Variants in LSAMP observed in about 807,000 individuals in gnomAD.
LSAMP encodes the protein limbic system-associated membrane protein.
In LSAMP, 7 loss-of-function variants were observed where a neutral mutation model predicts 38.6. The observed-to-expected ratio is 0.18, with a 90% confidence interval of 0.10 to 0.34. The LOEUF (loss-of-function observed/expected upper bound fraction) is 0.34. Ranked by LOEUF, LSAMP falls within the 10% of genes least tolerant of loss-of-function variation. LSAMP has a pLI of 1.00. For synonymous variants in LSAMP, 154 were observed against 166.8 expected, an observed-to-expected ratio of 0.92 and a Z score of 0.59; for missense variants, 313 against 420.0, an observed-to-expected ratio of 0.75 and a Z score of 2.23.
chr3:116,207,306 A>G (rs1276625784), intron 1 of LSAMP, among the ~76,000 whole-genome samples: 2 of 152,230 alleles, frequency 1.3e-5, no homozygotes, highest in East Asian at 1.9e-4. Context: ...GTCTCTGCAC[A>G]TGAGTTGGGT....
intron 3 of LSAMP, among the ~76,000 whole-genome samples, chr3:115,964,736 A>G (rs1012642546): frequency 6.6e-6 from 1 of 152,154 alleles, no homozygotes; most frequent in African/African-American, 2.4e-5. Flanking sequence ...ATTTCTAGAT[A>G]GCAGCAAAAA....
chr3:116,174,385 C>T (rs139417452), intron 1 of LSAMP, among the ~76,000 whole-genome samples: 498 of 151,990 alleles, frequency 3.3e-3, no homozygotes, highest in Non-Finnish European at 6.2e-3. Context: ...CACTGGCCTA[C>T]CAAACACCAC....
At chr3:115,894,880 A>C (rs1331123858) in intron 3 of LSAMP, among the ~76,000 whole-genome samples, 1 of 152,084 alleles carries the variant, frequency 6.6e-6, no homozygotes, top group African/African-American at 2.4e-5. Flanking sequence ...TAAATTTTAA[A>C]AAGAAACACC....
At chr3:115,820,822 T>C (rs1442907841) in intron 6 of LSAMP, among the ~76,000 whole-genome samples, 1 of 152,050 alleles carries the variant, frequency 6.6e-6, no homozygotes, top group Non-Finnish European at 1.5e-5. Flanking sequence ...AGAGGGGAGA[T>C]TCTATTTTCT....
At chr3:116,244,365 T>C (rs2046577596) in intron 1 of LSAMP, among the ~76,000 whole-genome samples, 1 of 152,230 alleles carries the variant, frequency 6.6e-6, no homozygotes, top group Non-Finnish European at 1.5e-5. Flanking sequence ...TCCTTCATCA[T>C]GTCCTGAATA....
intron 1 of LSAMP, among the ~76,000 whole-genome samples, chr3:116,225,579 G>T (rs1168886663): frequency 6.6e-6 from 1 of 152,086 alleles, no homozygotes; most frequent in Non-Finnish European, 1.5e-5. Flanking sequence ...GATGTGACAT[G>T]GTATTGAGGC....
intron 1 of LSAMP, among the ~76,000 whole-genome samples, chr3:116,165,678 G>C (rs1187877882): frequency 6.6e-6 from 1 of 152,170 alleles, no homozygotes; most frequent in African/African-American, 2.4e-5. Flanking sequence ...TTAATTATGA[G>C]AGAAATGTGA....
At chr3:116,376,752 A>C (rs2048498984) in intron 1 of LSAMP, among the ~76,000 whole-genome samples, 1 of 152,128 alleles carries the variant, frequency 6.6e-6, no homozygotes, top group Non-Finnish European at 1.5e-5. Context: ...AGTGGGGATC[A>C]ATTAGCACCT....
intron 3 of LSAMP, among the ~76,000 whole-genome samples, chr3:115,889,317 T>C (rs1420942253): frequency 6.6e-6 from 1 of 151,932 alleles, no homozygotes; most frequent in African/African-American, 2.4e-5. Flanking sequence ...CTGGGTGATG[T>C]GTTGGTGAAT....
intron 1 of LSAMP, among the ~76,000 whole-genome samples, chr3:116,144,916 T>C (rs906360264): frequency 2.0e-5 from 3 of 151,980 alleles, no homozygotes; most frequent in East Asian, 1.9e-4. Flanking sequence ...TAGTTGGTTA[T>C]AGAACTGTAG....
At chr3:116,217,447 G>A (rs1378954505) in intron 1 of LSAMP, among the ~76,000 whole-genome samples, 1 of 152,202 alleles carries the variant, frequency 6.6e-6, no homozygotes, top group East Asian at 1.9e-4. Flanking sequence ...CAGTTTCATG[G>A]TTTGTTTACA....
At chr3:115,898,484 A>C (rs1367124821) in intron 3 of LSAMP, among the ~76,000 whole-genome samples, 1 of 152,048 alleles carries the variant, frequency 6.6e-6, no homozygotes, top group Non-Finnish European at 1.5e-5. Context: ...CTGAATCTCC[A>C]GAAGAGCCAA....
intron 3 of LSAMP, among the ~76,000 whole-genome samples, chr3:116,017,556 T>A (rs1356319489): frequency 6.6e-6 from 1 of 152,112 alleles, no homozygotes; most frequent in Non-Finnish European, 1.5e-5. Flanking sequence ...TCTACATAGC[T>A]TGTTTATAAT....
intron 1 of LSAMP, among the ~76,000 whole-genome samples, chr3:116,245,249 G>A (rs901359528): frequency 6.6e-6 from 1 of 152,178 alleles, no homozygotes; most frequent in Non-Finnish European, 1.5e-5. Context: ...CATGGCCCCA[G>A]AAGTTGTCAA....
intron 3 of LSAMP, among the ~76,000 whole-genome samples, chr3:115,903,064 T>G (rs56215604): frequency 0.14 from 20,957 of 152,096 alleles, 1,549 homozygotes; most frequent in Middle Eastern, 0.21. Flanking sequence ...CTATTGACAA[T>G]AGCAAAGACA....
intron 1 of LSAMP, among the ~76,000 whole-genome samples, chr3:116,273,711 C>CACAT (rs1553719928): frequency 1.0e-3 from 47 of 44,930 alleles, no homozygotes; most frequent in African/African-American, 4.6e-3. Context: ...TATATATACA[C>CACAT]ACACACACAC....
intron 2 of LSAMP, among the ~76,000 whole-genome samples, chr3:116,042,377 T>C (rs1478466325): frequency 6.6e-6 from 1 of 152,084 alleles, no homozygotes. Flanking sequence ...TTCTGTTCTA[T>C]CGGTCTTAAG....
intron 3 of LSAMP, among the ~76,000 whole-genome samples, chr3:115,869,549 A>T (rs1474561964): frequency 6.6e-6 from 1 of 152,152 alleles, no homozygotes; most frequent in Non-Finnish European, 1.5e-5. Context: ...TTAGTAATAA[A>T]TTAAATTTGC....
chr3:116,065,435 T>TAGAC (rs973034374), intron 2 of LSAMP, among the ~76,000 whole-genome samples: 22 of 152,370 alleles, frequency 1.4e-4, no homozygotes, highest in South Asian at 2.1e-4. Context: ...GTTTGCTGTC[T>TAGAC]AGACACTCAA....
Sources: gnomAD v4.1 joint callset for allele counts (sites outside exome capture counted in the v4.1 genomes callset) on GRCh38, gnomAD v4.1.1 for gene constraint, MANE v1.5 for transcripts, NCBI Gene and HGNC (gene_info 2026-07-23, HGNC 2026-07-21) for gene names.